DNAJC6: variants seen among roughly 807,000 people sequenced by gnomAD.
The protein encoded by DNAJC6 is auxilin.
In DNAJC6, 34 loss-of-function variants were observed where a neutral mutation model predicts 110.0. That is an observed-to-expected ratio of 0.31 (90% CI 0.24 to 0.41). The LOEUF is 0.41. DNAJC6 is among the 10% of genes least tolerant of loss of function. The pLI is 1.00. For missense variants in DNAJC6, 1,031 were observed against 1,207.8 expected, an observed-to-expected ratio of 0.85 and a Z score of 2.17; for synonymous variants, 406 against 437.2, an observed-to-expected ratio of 0.93 and a Z score of 0.89.
At chr1:65,277,205 A>G (rs1006319775) in intron 1 of DNAJC6, among the ~76,000 whole-genome samples, 3 of 152,188 alleles carry the variant, frequency 2.0e-5, no homozygotes, top group Non-Finnish European at 2.9e-5. Context: ...CCAAGGTAAC[A>G]ATGTCATTTT....
intron 1 of DNAJC6, among the ~76,000 whole-genome samples, chr1:65,324,995 A>G (rs1004034300): frequency 3.3e-5 from 5 of 152,198 alleles, no homozygotes; most frequent in Non-Finnish European, 5.9e-5. Flanking sequence ...CTATGGACTC[A>G]TCAAGCTAAT....
intron 5 of DNAJC6, among the ~76,000 whole-genome samples, chr1:65,382,477 A>G (rs1489601348): frequency 2.0e-5 from 3 of 152,234 alleles, no homozygotes; most frequent in South Asian, 4.1e-4. Context: ...TATAAGGGTC[A>G]CATAGTGAAT....
intron 1 of DNAJC6, among the ~76,000 whole-genome samples, chr1:65,296,108 A>G (rs564778665): frequency 6.6e-6 from 1 of 152,340 alleles, no homozygotes; most frequent in South Asian, 2.1e-4. Flanking sequence ...CCTATAGTCT[A>G]TACCACATGG....
At chr1:65,400,660 A>G (rs1231815587) in intron 14 of DNAJC6, among the ~76,000 whole-genome samples, 4 of 152,182 alleles carry the variant, frequency 2.6e-5, no homozygotes, top group Non-Finnish European at 5.9e-5. Flanking sequence ...AATGATAGGA[A>G]TTCTTCCTTT....
chr1:65,297,620 C>T (rs188103533), intron 1 of DNAJC6, among the ~76,000 whole-genome samples: 246 of 152,240 alleles, frequency 1.6e-3, no homozygotes, highest in African/African-American at 5.5e-3. Context: ...CATTGTTGGG[C>T]GCAGGCTGAA....
intron 4 of DNAJC6, among the ~76,000 whole-genome samples, chr1:65,371,780 G>A (rs1258409076): frequency 6.6e-6 from 1 of 152,178 alleles, no homozygotes; most frequent in Non-Finnish European, 1.5e-5. Context: ...GCAAGCCCAG[G>A]AGATGTTCAA....
chr1:65,368,708 T>TCTTCCTCCTCCG (rs1404364506), intron 4 of DNAJC6, among the ~76,000 whole-genome samples: 1 of 45,898 alleles, frequency 2.2e-5, no homozygotes, highest in Non-Finnish European at 3.4e-5. Context: ...TTCCTCCTCC[T>TCTTCCTCCTCCG]TCTTCTTCCT....
At chr1:65,388,537 CA>C in intron 9 of DNAJC6, 122 bp downstream of exon 9, 1 of 855,764 alleles carries the variant, frequency 1.2e-6, no homozygotes, top group Non-Finnish European at 1.9e-6. Flanking sequence ...GAGTGTCACT[CA>C]GTAGCACAGA....
At chr1:65,352,060 C>G (rs1645495841) in intron 1 of DNAJC6, among the ~76,000 whole-genome samples, 1 of 152,116 alleles carries the variant, frequency 6.6e-6, no homozygotes, top group African/African-American at 2.4e-5. Flanking sequence ...GCCACTGCAC[C>G]CGGCCTTATA....
chr1:65,321,742 A>G (rs955428237), intron 1 of DNAJC6, among the ~76,000 whole-genome samples: 2 of 152,192 alleles, frequency 1.3e-5, no homozygotes, highest in African/African-American at 2.4e-5. Flanking sequence ...ATTAGGTTCA[A>G]TGAGCTTATA....
At chr1:65,341,335 G>A (rs1645387609) in intron 1 of DNAJC6, among the ~76,000 whole-genome samples, 1 of 152,136 alleles carries the variant, frequency 6.6e-6, no homozygotes, top group Admixed American at 6.5e-5. Flanking sequence ...AGGACACATT[G>A]TTCATGATGG....
chr1:65,287,064 T>C (rs1211888615), intron 1 of DNAJC6, among the ~76,000 whole-genome samples: 1 of 152,226 alleles, frequency 6.6e-6, no homozygotes, highest in East Asian at 1.9e-4. Flanking sequence ...AAACTTTTAC[T>C]GACCCATATG....
intron 12 of DNAJC6, 65 bp downstream of exon 12, chr1:65,392,930 G>T: frequency 7.2e-7 from 1 of 1,385,292 alleles, no homozygotes. Context: ...CCAAATAGGT[G>T]GAATTGAACT....
At chr1:65,276,544 C>A (rs1031815756) in intron 1 of DNAJC6, among the ~76,000 whole-genome samples, 1 of 152,132 alleles carries the variant, frequency 6.6e-6, no homozygotes. Context: ...TAATCCCAGG[C>A]CCCTAGGGAA....
Position 65,309,647 on chromosome 1 carries a change from A to ATTTTT in DNAJC6, c.-88_-84dup. On this transcript the variant is annotated 5_prime_UTR_variant, in exon 1 of 19. Transcript: ENST00000371069. ...CTCTTTGCGTCATGTCGGGCACTTA[A>ATTTTT]TTTTTTTTTTTTTTTAATTCCTTCT... The ATTTTT allele has an allele frequency of 8.3e-7, 1 of 1,198,904 alleles. No individual in the cohort carries two copies. The highest frequency in any genetic ancestry group is 1.1e-6 in the Non-Finnish European group (1 of 922,094). 74.3% of individuals were successfully genotyped at this position (1,198,904 alleles called of 1,614,324 possible).
rs558706360 is a variant in DNAJC6 at position 65,380,926 on chromosome 1, T to TG, written c.666+1402_666+1403insG. Among the ~76,000 whole-genome samples the TG allele has an allele frequency of 8.7e-5, 12 of 137,534 alleles. No homozygotes were observed. In the South Asian group the frequency reaches 2.2e-3, roughly 25 times the overall value. 90.2% of individuals were successfully genotyped at this position (137,534 alleles called of 152,430 possible). A position where few individuals can be genotyped will look rare whatever the true frequency, so the allele number is the denominator to read the frequency against. On this transcript the variant is annotated intron_variant, in intron 5 of 18. Coordinates refer to ENST00000371069, the MANE Select transcript of DNAJC6 (RefSeq NM_001256864.2). Reference sequence around the variant, plus strand: ...TTTGTTTTTTGTTTTGTTTTGTTTTTTTTTTTTTTTTGGGACCGAGTCTTG... The same window carrying TG: ...TTTGTTTTTTGTTTTGTTTTGTTTTTGTTTTTTTTTTTGGGACCGAGTCTTG...
At chr1:65,380,735 A>T (rs1369654141) in intron 5 of DNAJC6, among the ~76,000 whole-genome samples, 2 of 152,136 alleles carry the variant, frequency 1.3e-5, no homozygotes, top group East Asian at 1.9e-4. Context: ...GTGATTCTTC[A>T]TAAAGAATAA....
At position 65,389,346 on chromosome 1, in the gene DNAJC6, A is replaced by G. The variant is rs1393220328; in HGVS notation, c.1284A>G (p.Val428=). Residue 428 remains valine (V), a synonymous_variant, in exon 10 of 19, where the codon GTA becomes GTG. Transcript: ENST00000371069. ...LDVELQPHDK[V]IDLTPPWEHY... Reference sequence around the variant, plus strand: ...TAGAACTACAGCCCCATGACAAAGTAATAGACTTAACTCCACCATGGGAAC... The same window carrying G: ...TAGAACTACAGCCCCATGACAAAGTGATAGACTTAACTCCACCATGGGAAC... 6.2e-7 allele frequency: 1 copy of G among 1,614,062 alleles called. No individual in the cohort carries two copies. The highest frequency in any genetic ancestry group is 1.3e-5 in the African/African-American group (1 of 74,932).
chr1:65,321,465 G>A (rs1274113495), intron 1 of DNAJC6, among the ~76,000 whole-genome samples: 1 of 152,060 alleles, frequency 6.6e-6, no homozygotes, highest in East Asian at 1.9e-4. Context: ...CCAATATACA[G>A]GGATTACAGA....
Sources: allele counts gnomAD v4.1 joint callset (sites outside exome capture counted in the v4.1 genomes callset), GRCh38; gene constraint gnomAD v4.1.1; transcripts MANE v1.5; gene names NCBI Gene and HGNC (gene_info 2026-07-23, HGNC 2026-07-21).